The following HEMK2 variants were observed in gnomAD, a reference collection of about 807,000 sequenced individuals.
HEMK2 encodes methyltransferase HEMK2.
At chr21:28,671,476 G>T in the HEMK2 span, among the ~76,000 whole-genome samples, 1 of 152,194 alleles carries the variant, frequency 6.6e-6, no homozygotes, top group Non-Finnish European at 1.5e-5. Context: ...TCCAGCCTTA[G>T]AGGTGAGCAA....
chr21:28,811,705 C>G, the HEMK2 span, among the ~76,000 whole-genome samples: 1 of 152,156 alleles, frequency 6.6e-6, no homozygotes, highest in Non-Finnish European at 1.5e-5. Flanking sequence ...ATTCATGTGT[C>G]TGACTCTCTC....
At chr21:28,723,372 A>G in the HEMK2 span, among the ~76,000 whole-genome samples, 1 of 152,186 alleles carries the variant, frequency 6.6e-6, no homozygotes, top group African/African-American at 2.4e-5. Flanking sequence ...GCACACTTGC[A>G]TGGAGACAAC....
chr21:28,630,328 G>A, the HEMK2 span, among the ~76,000 whole-genome samples: 1 of 152,128 alleles, frequency 6.6e-6, no homozygotes, highest in Non-Finnish European at 1.5e-5. Flanking sequence ...TACACTGTTG[G>A]TGGGACTGTA....
the HEMK2 span, among the ~76,000 whole-genome samples, chr21:28,654,612 C>A: frequency 6.6e-6 from 1 of 152,000 alleles, no homozygotes; most frequent in Admixed American, 6.6e-5. Flanking sequence ...ATAAAACACA[C>A]ATTTTAATGT....
At chr21:28,777,414 T>C in the HEMK2 span, among the ~76,000 whole-genome samples, 2 of 152,220 alleles carry the variant, frequency 1.3e-5, no homozygotes, top group Non-Finnish European at 2.9e-5. Context: ...CAAAATTGAC[T>C]TCTCCTCAGG....
the HEMK2 span, among the ~76,000 whole-genome samples, chr21:28,831,682 A>AGAAG: frequency 7.4e-4 from 15 of 20,326 alleles, 1 homozygote; most frequent in Admixed American, 2.1e-3. Context: ...AAAGAAAGAA[A>AGAAG]GAAGGAAGGA....
the HEMK2 span, among the ~76,000 whole-genome samples, chr21:28,858,288 C>T: frequency 6.6e-6 from 1 of 152,178 alleles, no homozygotes; most frequent in East Asian, 1.9e-4. Context: ...TCTACTTCTT[C>T]CTTAACCCCA....
the HEMK2 span, among the ~76,000 whole-genome samples, chr21:28,616,173 A>C: frequency 6.6e-6 from 1 of 152,298 alleles, no homozygotes; most frequent in South Asian, 2.1e-4. Context: ...TCTAATCCTC[A>C]AAAAGTAGCT....
chr21:28,793,468 C>T, the HEMK2 span, among the ~76,000 whole-genome samples: 1 of 43,062 alleles, frequency 2.3e-5, no homozygotes, highest in African/African-American at 3.9e-4. Context: ...CTTCACTTCA[C>T]GATTCTGTCA....
chr21:28,711,988 C>T, the HEMK2 span, among the ~76,000 whole-genome samples: 1 of 152,178 alleles, frequency 6.6e-6, no homozygotes, highest in African/African-American at 2.4e-5. Context: ...GAGGGCTCCA[C>T]TCTTATGACC....
chr21:28,795,815 T>G, the HEMK2 span, among the ~76,000 whole-genome samples: 1 of 152,230 alleles, frequency 6.6e-6, no homozygotes, highest in Non-Finnish European at 1.5e-5. Context: ...GTTTACAATT[T>G]TGTAATTATC....
the HEMK2 span, among the ~76,000 whole-genome samples, chr21:28,883,485 C>T: frequency 4.6e-5 from 7 of 152,042 alleles, no homozygotes; most frequent in African/African-American, 1.7e-4. Flanking sequence ...AAAAAAGTTC[C>T]TCTATCATTT....
the HEMK2 span, among the ~76,000 whole-genome samples, chr21:28,851,067 G>C: frequency 1.3e-5 from 2 of 152,144 alleles, no homozygotes; most frequent in Non-Finnish European, 2.9e-5. Context: ...GTTCTTGATA[G>C]GCAGTTCAGG....
At chr21:28,705,826 C>T in the HEMK2 span, among the ~76,000 whole-genome samples, 1 of 152,114 alleles carries the variant, frequency 6.6e-6, no homozygotes, top group African/African-American at 2.4e-5. Context: ...TGACTCATGA[C>T]TCCCTCCCCC....
the HEMK2 span, among the ~76,000 whole-genome samples, chr21:28,860,659 C>T: frequency 1.3e-5 from 2 of 149,792 alleles, no homozygotes; most frequent in African/African-American, 5.0e-5. Flanking sequence ...TATCTACTGT[C>T]GAGAAAGAGC....
At chr21:28,587,570 T>C in the HEMK2 span, among the ~76,000 whole-genome samples, 1 of 152,198 alleles carries the variant, frequency 6.6e-6, no homozygotes, top group Non-Finnish European at 1.5e-5. Context: ...TATTTGTTCT[T>C]CCTTTCCACA....
At chr21:28,841,138 ATT>A in the HEMK2 span, among the ~76,000 whole-genome samples, 30 of 37,606 alleles carry the variant, frequency 8.0e-4, 3 homozygotes, top group African/African-American at 4.0e-3. Context: ...ATAATATATA[ATT>A]TATATAATTA....
chr21:28,754,246 A>C, the HEMK2 span, among the ~76,000 whole-genome samples: 1 of 152,234 alleles, frequency 6.6e-6, no homozygotes, highest in South Asian at 2.1e-4. Flanking sequence ...ATGGAAATTC[A>C]ATCGGTACCA....
the HEMK2 span, among the ~76,000 whole-genome samples, chr21:28,732,961 C>G: frequency 6.6e-6 from 1 of 152,102 alleles, no homozygotes; most frequent in Admixed American, 6.5e-5. Context: ...AACTTGTGCT[C>G]TACTCATCAC....
Sources: allele counts gnomAD v4.1 joint callset (sites outside exome capture counted in the v4.1 genomes callset), GRCh38; gene constraint gnomAD v4.1.1; transcripts MANE v1.5; gene names NCBI Gene and HGNC (gene_info 2026-07-23, HGNC 2026-07-21).